The following VCAN variants were observed in gnomAD, a reference collection of about 807,000 sequenced individuals.
The protein encoded by VCAN is versican.
VCAN carries 44 observed loss-of-function variants against 245.5 expected under a neutral mutation model. The observed-to-expected ratio is 0.18, with a 90% CI of 0.14 to 0.23. The LOEUF (loss-of-function observed/expected upper bound fraction) is 0.23, where lower values mean the gene tolerates loss of function less well. Ranked by LOEUF, VCAN falls within the 10% of genes least tolerant of loss-of-function variation. The pLI, the probability that VCAN is intolerant of heterozygous loss-of-function variation, is 1.00. For missense variants in VCAN, 3,793 were observed against 4,057.9 expected, an observed-to-expected ratio of 0.93 and a Z score of 1.77; for synonymous variants, 1,413 against 1,437.0, an observed-to-expected ratio of 0.98 and a Z score of 0.38.
chr5:83,490,948 G>T lies in VCAN; in HGVS notation c.445+476G>T, dbSNP rs1744963540. 2.6e-5 allele frequency among the ~76,000 whole-genome samples: 4 copies of T among 151,902 alleles called. No individual in the cohort carries two copies. The South Asian group carries it at 8.3e-4, about 31-fold the overall frequency. On this transcript the variant is annotated intron_variant, in intron 3 of 14. Transcript: ENST00000265077. ...TTAAAATATTTGAGTTTGCTTTTAG[G>T]AAATTCTATCTTAACTTATACCGAA...
chr5:83,512,503 G>A (rs1333167806), intron 6 of VCAN, 107 bp downstream of exon 6: 1 of 1,350,818 alleles, frequency 7.4e-7, no homozygotes, highest in Non-Finnish European at 1.0e-6. Context: ...CTTGCAGTGT[G>A]TGCACGGAAT....
intron 7 of VCAN, among the ~76,000 whole-genome samples, chr5:83,529,333 T>C (rs1170270239): frequency 8.6e-6 from 1 of 115,902 alleles, no homozygotes; most frequent in Non-Finnish European, 1.8e-5. Flanking sequence ...ATAAAGAATA[T>C]TTGAAAAAAA....
At chr5:83,559,948 T>C (rs1054482689) in intron 12 of VCAN, among the ~76,000 whole-genome samples, 12 of 152,044 alleles carry the variant, frequency 7.9e-5, no homozygotes, top group African/African-American at 2.7e-4. Context: ...TTATTTAAAG[T>C]TGTACCAGTA....
At chr5:83,516,540 A>C (rs1745864133) in intron 6 of VCAN, among the ~76,000 whole-genome samples, 2 of 152,374 alleles carry the variant, frequency 1.3e-5, no homozygotes, top group South Asian at 4.1e-4. Flanking sequence ...GATGGCCCAT[A>C]GGACAAAAAT....
chr5:83,479,426 C>A (rs1350807953), intron 1 of VCAN, among the ~76,000 whole-genome samples: 1 of 152,164 alleles, frequency 6.6e-6, no homozygotes, highest in African/African-American at 2.4e-5. Flanking sequence ...TTGACCTTGT[C>A]TTTTATGTCT....
At chr5:83,532,258 C>G (rs573898717) in intron 7 of VCAN, among the ~76,000 whole-genome samples, 1 of 151,744 alleles carries the variant, frequency 6.6e-6, no homozygotes, top group Non-Finnish European at 1.5e-5. Flanking sequence ...GAGGTGGTGA[C>G]AGGAAATGGG....
At chr5:83,563,255 A>G (rs996046021) in intron 12 of VCAN, among the ~76,000 whole-genome samples, 4 of 152,188 alleles carry the variant, frequency 2.6e-5, no homozygotes, top group Non-Finnish European at 5.9e-5. Flanking sequence ...AGAAGGACCC[A>G]GACTAGACTA....
intron 7 of VCAN, among the ~76,000 whole-genome samples, chr5:83,526,515 G>A (rs184696282): frequency 2.0e-5 from 3 of 152,194 alleles, no homozygotes; most frequent in East Asian, 1.9e-4. Flanking sequence ...TCCTGTGGTG[G>A]TTTTTAAAAT....
At chr5:83,534,357 T>G (rs1746627757) in intron 7 of VCAN, among the ~76,000 whole-genome samples, 1 of 152,072 alleles carries the variant, frequency 6.6e-6, no homozygotes, top group African/African-American at 2.4e-5. Context: ...ATCCTTGTGT[T>G]TTGCTGGAGA....
intron 1 of VCAN, among the ~76,000 whole-genome samples, chr5:83,479,741 T>C (rs1443686716): frequency 1.3e-5 from 2 of 152,152 alleles, no homozygotes; most frequent in African/African-American, 4.8e-5. Flanking sequence ...TGACCAAGGA[T>C]AGGGACATAG....
At chr5:83,524,574 AC>A in intron 7 of VCAN, among the ~76,000 whole-genome samples, 1 of 124,622 alleles carries the variant, frequency 8.0e-6, no homozygotes, top group African/African-American at 3.2e-5. Context: ...CTACCTACCT[AC>A]CTACCTACCT....
chr5:83,528,989 T>TACACACACACACACAC (rs58804437), intron 7 of VCAN, among the ~76,000 whole-genome samples: 1,897 of 141,398 alleles, frequency 0.013, 22 homozygotes, highest in African/African-American at 0.024. Flanking sequence ...GAAACAAAGA[T>TACACACACACACACAC]ACACACACAC....
intron 7 of VCAN, among the ~76,000 whole-genome samples, chr5:83,526,048 T>G (rs780072707): frequency 6.6e-6 from 1 of 151,992 alleles, no homozygotes; most frequent in Non-Finnish European, 1.5e-5. Flanking sequence ...CAAGCGATTC[T>G]CCTGCCTCAG....
chr5:83,495,586 GATTAA>G (rs1745132614), intron 5 of VCAN, among the ~76,000 whole-genome samples: 1 of 152,146 alleles, frequency 6.6e-6, no homozygotes, highest in African/African-American at 2.4e-5. Context: ...AGGAGAATCT[GATTAA>G]ATAAACTAGG....
chr5:83,476,662 T>C (rs973464283), intron 1 of VCAN, among the ~76,000 whole-genome samples: 1 of 152,090 alleles, frequency 6.6e-6, no homozygotes, highest in African/African-American at 2.4e-5. Context: ...AAATTACATA[T>C]ATATAAAGTC....
At chr5:83,553,231 C>A (rs926466850) in intron 10 of VCAN, 133 bp from the exon 11 acceptor site, 5 of 1,244,534 alleles carry the variant, frequency 4.0e-6, no homozygotes, top group Non-Finnish European at 4.6e-6. Flanking sequence ...TCATCGTGAC[C>A]AAATTTTATG....
Position 83,521,949 on chromosome 5 carries a change from G to A in VCAN, c.3643G>A (p.Asp1215Asn), listed in dbSNP as rs1196964109. 6.2e-7 allele frequency: 1 copy of A among 1,614,134 alleles called. No individual in the cohort carries two copies. Among genetic ancestry groups the A allele is most frequent in the Non-Finnish European group, 8.5e-7 (1 of 1,180,016 alleles). Residue 1215 changes from aspartate (D) to asparagine (N), a missense_variant, in exon 7 of 15, where the codon GAC becomes AAC. By Grantham distance (23) the Asp-to-Asn change is conservative. Coordinates refer to ENST00000265077, the MANE Select transcript of VCAN (RefSeq NM_004385.5). Reference sequence around the variant, plus strand: ...TATTACCACTGCCTTCAGTTCAGTAGACAGACTTCACACAACTTCAGCATT... The same window carrying A: ...TATTACCACTGCCTTCAGTTCAGTAAACAGACTTCACACAACTTCAGCATT... ...SDITTAFSSV[D>N]RLHTTSAFKP... is the part of the protein sequence containing the mutation.
At chr5:83,514,415 T>A (rs912577502) in intron 6 of VCAN, among the ~76,000 whole-genome samples, 18 of 150,408 alleles carry the variant, frequency 1.2e-4, no homozygotes, top group African/African-American at 3.4e-4. Flanking sequence ...TTTCAAAAAA[T>A]TTTTTAGTGT....
intron 5 of VCAN, among the ~76,000 whole-genome samples, chr5:83,502,047 A>G (rs1745344346): frequency 6.6e-6 from 1 of 152,100 alleles, no homozygotes; most frequent in Non-Finnish European, 1.5e-5. Flanking sequence ...ACTATTTTTG[A>G]TGCAAATGCA....
Sources: allele counts gnomAD v4.1 joint callset (sites outside exome capture counted in the v4.1 genomes callset), GRCh38; gene constraint gnomAD v4.1.1; transcripts MANE v1.5; gene names NCBI Gene and HGNC (gene_info 2026-07-23, HGNC 2026-07-21).